Variants in MAPK13 observed in about 807,000 individuals in gnomAD.
MAPK13 encodes mitogen-activated protein kinase 13.
A neutral mutation model predicts 53.5 loss-of-function variants in MAPK13; 39 were observed. The ratio of observed to expected loss-of-function variants is 0.73; its 90% CI spans 0.56 to 0.95. The LOEUF is 0.95. MAPK13 is among the 40% of genes least tolerant of loss of function. The pLI, the probability that MAPK13 is intolerant of heterozygous loss-of-function variation, is 0.00. For missense variants in MAPK13, 460 were observed against 471.8 expected, an observed-to-expected ratio of 0.98 and a Z score of 0.23; for synonymous variants, 179 against 190.9, an observed-to-expected ratio of 0.94 and a Z score of 0.51.
At position 36,140,685 on chromosome 6, in the gene MAPK13, T is replaced by C. The variant is rs1452362543; in HGVS notation, c.*1312T>C. ...GTCATACTTGATTTGTTGGGAGGCC[T>C]AAATCAAAAACCTATAGGAGGAGAC... On this transcript the variant is annotated 3_prime_UTR_variant, in exon 12 of 12. Transcript: ENST00000211287. 2 of 152,668 alleles carry C rather than the reference T, an allele frequency of 1.3e-5. No individual in the cohort carries two copies. Among genetic ancestry groups the C allele is most frequent in the Non-Finnish European group, 2.9e-5 (2 of 68,042 alleles). 9.5% of individuals were successfully genotyped at this position (152,668 alleles called of 1,614,324 possible).
rs549299964 is a variant in MAPK13 at position 36,138,983 on chromosome 6, G to A, written c.946G>A (p.Glu316Lys). Residue 316 changes from glutamate (E) to lysine (K), a missense_variant, in exon 11 of 12, where the codon GAA becomes AAA. By Grantham distance (56) the Glu-to-Lys change is moderately conservative. Transcript: ENST00000211287. Reference protein sequence around the residue: ...PFFEPFRDPEEETEAQQPFDD... With the variant: ...PFFEPFRDPEKETEAQQPFDD... The stretch of plus-strand genomic sequence containing the variant: ...CTTTGAACCCTTCCGGGACCCTGAG[G>A]AAGAGACGGAGGCCCAGCAGCCGTT... 5.0e-6 allele frequency: 8 copies of A among 1,613,856 alleles called. No individual in the cohort carries two copies. Among genetic ancestry groups the A allele is most frequent in the African/African-American group, 4.0e-5 (3 of 75,026 alleles).
chr6:36,139,111 T>C, intron 11 of MAPK13, 56 bp downstream of exon 11: 3 of 1,520,488 alleles, frequency 2.0e-6, no homozygotes, highest in Non-Finnish European at 2.7e-6. Flanking sequence ...TCTTCCTTGC[T>C]TCCTCCATCT....
chr6:36,139,134 T>A (rs1221730041), intron 11 of MAPK13, 79 bp downstream of exon 11: 1 of 1,479,230 alleles, frequency 6.8e-7, no homozygotes, highest in Non-Finnish European at 9.1e-7. Flanking sequence ...GTGCCTGGCC[T>A]CTGCCAGCCC....
At chr6:36,136,440 C>T in intron 5 of MAPK13, 44 bp from the exon 6 acceptor site, 1 of 1,515,272 alleles carries the variant, frequency 6.6e-7, no homozygotes, top group Non-Finnish European at 8.9e-7. Context: ...GGACAAGCTC[C>T]ATCTCTGCCT....
In MAPK13 at chr6:36,130,526, C is replaced by T; in HGVS notation, c.-57C>T. The T allele has an allele frequency of 2.4e-6, 2 of 837,532 alleles. No individual in the cohort carries two copies. Among genetic ancestry groups the T allele is most frequent in the South Asian group, 1.6e-5 (1 of 61,478 alleles). The allele number at this position is 837,532 out of a possible 1,614,324, so 51.9% of individuals were successfully genotyped here. A position where few individuals can be genotyped will look rare whatever the true frequency, so the allele number is the denominator to read the frequency against. ...GCAGCGGGGGTCGGGGCGCTGGGAG[C>T]CCGTTGGGCCGCGAACGCAGCCGCC... On this transcript the variant is annotated 5_prime_UTR_variant, in exon 1 of 12. Transcript: ENST00000211287. This position sits in a 1 kb window ranked among gnomAD's most constrained non-coding sequence, Gnocchi z 4.5.
rs1307639631 is a variant in MAPK13 at position 36,143,581 on chromosome 6, C to T, written c.*4208C>T. 3 of 152,166 alleles carry T rather than the reference C, an allele frequency of 2.0e-5. No individual in the cohort carries two copies. The East Asian group carries it at 5.8e-4, about 29-fold the overall frequency. 9.4% of individuals were successfully genotyped at this position (152,166 alleles called of 1,614,324 possible). ...GGAGGAATCTCTCCCTGCCTCTCCTCCCAACTCTTGGCTTTTGCTTCCTTA... is the reference window on the plus strand; with the variant it reads ...GGAGGAATCTCTCCCTGCCTCTCCTTCCAACTCTTGGCTTTTGCTTCCTTA... On this transcript the variant is annotated 3_prime_UTR_variant, in exon 12 of 12. Transcript: ENST00000211287.
intron 10 of MAPK13, 30 bp downstream of exon 10, chr6:36,138,810 C>G (rs776019687): frequency 6.2e-7 from 1 of 1,613,906 alleles, no homozygotes; most frequent in Admixed American, 1.7e-5. Context: ...CCCCAGGGGC[C>G]TCTCAGCGTA....
At position 36,141,941 on chromosome 6, in the gene MAPK13, G is replaced by A. The variant is rs1484430913; in HGVS notation, c.*2568G>A. The A allele has an allele frequency of 2.6e-5, 4 of 152,334 alleles. No homozygotes were observed. Among genetic ancestry groups the A allele is most frequent in the African/African-American group, 9.7e-5 (4 of 41,426 alleles). The allele number at this position is 152,334 out of a possible 1,614,324, so 9.4% of individuals were successfully genotyped here. On this transcript the variant is annotated 3_prime_UTR_variant, in exon 12 of 12. Coordinates refer to ENST00000211287, the MANE Select transcript of MAPK13 (RefSeq NM_002754.5). The stretch of plus-strand genomic sequence containing the variant: ...ACTGGGACTGGCTAGTCTTGCCACA[G>A]CCCTGGCCTCGCTGGTTACTAAAAC...
chr6:36,139,224 C>T, intron 11 of MAPK13, 70 bp from the exon 12 acceptor site: 1 of 1,496,798 alleles, frequency 6.7e-7, no homozygotes, highest in Non-Finnish European at 9.3e-7. Context: ...TCCATGCTGT[C>T]TCTGAAGGGG....
chr6:36,140,778 TTTTG>T lies in MAPK13; in HGVS notation c.*1418_*1421del, dbSNP rs145428391. ...TAAAACTGAGGCTCAGAAAGCTTTT[TTTTG>T]TTTGTTTGTTTGAGACAGGGTCTGG... is the stretch of plus-strand genomic sequence containing the variant. On this transcript the variant is annotated 3_prime_UTR_variant, in exon 12 of 12. Coordinates refer to ENST00000211287, the MANE Select transcript of MAPK13 (RefSeq NM_002754.5). 126 of 152,394 alleles carry T rather than the reference TTTTG, an allele frequency of 8.3e-4. No homozygotes were observed. Among genetic ancestry groups the T allele is most frequent in the African/African-American group, 2.7e-3 (114 of 41,524 alleles). 9.4% of individuals were successfully genotyped at this position (152,394 alleles called of 1,614,324 possible).
chr6:36,136,024 C>T lies in MAPK13; in HGVS notation c.423C>T (p.Ile141=), dbSNP rs1469697874. 1 of 1,614,102 alleles carries T rather than the reference C, an allele frequency of 6.2e-7. No individual in the cohort carries two copies. The highest frequency in any genetic ancestry group is 2.2e-5 in the East Asian group (1 of 44,862). ...VYQMLKGLKY[I]HSAGVVHRDL... is the part of the protein sequence containing the mutation. ...CTTCTCTCTCTCCCACATAGTACAT[C>T]CACTCTGCTGGGGTCGTGCACAGGG... The change falls in exon 5 of 12, where the codon ATC becomes ATT. Residue 141 remains isoleucine (I), a synonymous_variant. Coordinates refer to ENST00000211287, the MANE Select transcript of MAPK13 (RefSeq NM_002754.5).
rs1766477979 is a variant in MAPK13, at chr6:36,138,951, A to C, written c.914A>C (p.His305Pro). The C allele has an allele frequency of 1.2e-6, 2 of 1,613,752 alleles. No homozygotes were observed. The highest frequency in any genetic ancestry group is 2.2e-5 in the South Asian group (2 of 91,060). ...CTGACGGCCGCGCAGGCCCTCACCC[A>C]TCCCTTCTTTGAACCCTTCCGGGAC... ...KRLTAAQALT[H>P]PFFEPFRDPE... The change falls in exon 11 of 12, where the codon CAT (histidine) becomes CCT (proline). Residue 305 changes from histidine to proline, a missense_variant. Physicochemically the swap from His to Pro is moderately conservative, Grantham distance 77. Coordinates refer to ENST00000211287, the MANE Select transcript of MAPK13 (RefSeq NM_002754.5).
At chr6:36,131,768 A>T (rs934689253) in intron 2 of MAPK13, among the ~76,000 whole-genome samples, 2 of 152,190 alleles carry the variant, frequency 1.3e-5, no homozygotes, top group African/African-American at 4.8e-5. Context: ...ATATACACAT[A>T]TTGAGCACTT....
In MAPK13 at chr6:36,142,592, C is replaced by T. The variant is rs188588079; in HGVS notation, c.*3219C>T. ...AATGAGTGAAAGATGTCCCAGGGGCCTGTCGGTCACTTCTTTGCCCCGACC... is the reference window on the plus strand; with the variant it reads ...AATGAGTGAAAGATGTCCCAGGGGCTTGTCGGTCACTTCTTTGCCCCGACC... On this transcript the variant is annotated 3_prime_UTR_variant, in exon 12 of 12. Transcript: ENST00000211287. The surrounding 1 kb of genome is among the most constrained non-coding windows in gnomAD (Gnocchi z 4.4). 1.3e-3 allele frequency: 199 copies of T among 152,448 alleles called. No individual in the cohort carries two copies. Among genetic ancestry groups the T allele is most frequent in the African/African-American group, 4.3e-3 (177 of 41,568 alleles). 9.4% of individuals were successfully genotyped at this position (152,448 alleles called of 1,614,324 possible).
At chr6:36,137,657 A>G (rs1487379380) in intron 8 of MAPK13, among the ~76,000 whole-genome samples, 1 of 149,746 alleles carries the variant, frequency 6.7e-6, no homozygotes, top group Non-Finnish European at 1.5e-5. Context: ...CTCAAAAAAA[A>G]AAAAAAAAAA....
chr6:36,135,538 C>T (rs545864300), intron 3 of MAPK13, among the ~76,000 whole-genome samples: 23 of 152,348 alleles, frequency 1.5e-4, no homozygotes, highest in Middle Eastern at 3.4e-3. Context: ...GCGCTTACTC[C>T]GAGCTCTGCC....
rs1184541963 is a variant in MAPK13 at position 36,139,278 on chromosome 6, A to G, written c.1019-16A>G. 6.2e-7 allele frequency: 1 copy of G among 1,612,162 alleles called. No homozygotes were observed. The highest frequency in any genetic ancestry group is 1.1e-5 in the South Asian group (1 of 91,016). The stretch of plus-strand genomic sequence containing the variant: ...AGCACCTCTTTACGCACCTTAAACC[A>G]TGCTGCCTTTCTCAGAGCACATCTA... On this transcript the variant is annotated splice_polypyrimidine_tract_variant and intron_variant, in intron 11 of 11. Coordinates refer to ENST00000211287, the MANE Select transcript of MAPK13 (RefSeq NM_002754.5).
rs1021691001 is a variant in MAPK13, at chr6:36,130,977, AGT to A, written c.119+277_119+278del. On this transcript the variant is annotated intron_variant, in intron 1 of 11. Transcript: ENST00000211287. The surrounding 1 kb of genome is among the most constrained non-coding windows in gnomAD (Gnocchi z 4.5). ...GGGCAGATCCTCACTGTTACAGACG[AGT>A]ACACCGAGGCCCCAAGAGGGGGAGG... is the stretch of plus-strand genomic sequence containing the variant. The A allele has an allele frequency of 9.5e-6, 5 of 528,058 alleles. No homozygotes were observed. The African/African-American group carries it at 9.6e-5, about 10-fold the overall frequency. The allele number at this position is 528,058 out of a possible 1,614,324, so 32.7% of individuals were successfully genotyped here. A position where few individuals can be genotyped will look rare whatever the true frequency, so the allele number is the denominator to read the frequency against.
At position 36,139,335 on chromosome 6, in the gene MAPK13, C is replaced by T. The variant is rs761718374; in HGVS notation, c.1060C>T (p.Arg354Trp). 1.5e-5 allele frequency: 24 copies of T among 1,614,148 alleles called. No homozygotes were observed. Among genetic ancestry groups the T allele is most frequent in the East Asian group, 2.2e-5 (1 of 44,868 alleles). The change falls in exon 12 of 12, where the codon CGG (arginine) becomes TGG (tryptophan). Residue 354 changes from arginine to tryptophan, a missense_variant. Arg to Trp is a moderately radical substitution (Grantham distance 101). Transcript: ENST00000211287. ...KEIVNFSPIA[R>W]KDSRRRSGMK... Reference sequence around the variant, plus strand: ...GATTGTGAACTTCAGCCCCATTGCCCGGAAGGACTCACGGCGCCGGAGTGG... The same window carrying T: ...GATTGTGAACTTCAGCCCCATTGCCTGGAAGGACTCACGGCGCCGGAGTGG...
Sources: allele counts gnomAD v4.1 joint callset (sites outside exome capture counted in the v4.1 genomes callset), GRCh38; gene constraint gnomAD v4.1.1; non-coding constraint Gnocchi (gnomAD v3.1); transcripts MANE v1.5; gene names NCBI Gene and HGNC (gene_info 2026-07-23, HGNC 2026-07-21).